The following WASHC2C variants were observed in gnomAD, a reference collection of about 807,000 sequenced individuals.
WASHC2C encodes WASH complex subunit 2C, also known as Vaccinia Penetration Factor.
A neutral mutation model predicts 142.2 loss-of-function variants in WASHC2C; 73 were observed. The observed-to-expected ratio is 0.51, with a 90% CI of 0.43 to 0.62. WASHC2C has a LOEUF of 0.62. WASHC2C is among the 20% of genes least tolerant of loss of function. WASHC2C has a pLI of 0.00. For missense variants in WASHC2C, 969 were observed against 1,531.7 expected (o/e 0.63, Z 6.13); for synonymous variants, 337 against 565.5 (o/e 0.60, Z 5.73).
At chr10:45,790,267 A>G (rs1186449636) in intron 29 of WASHC2C, 89 bp from the exon 30 acceptor site, 4 of 1,599,442 alleles carry the variant, frequency 2.5e-6, no homozygotes, top group African/African-American at 2.7e-5. Flanking sequence ...CACCCTGGCC[A>G]ATTGCATTTC....
chr10:45,764,240 T>G (rs1420318992), intron 18 of WASHC2C, among the ~76,000 whole-genome samples: 1 of 149,658 alleles, frequency 6.7e-6, no homozygotes, highest in African/African-American at 2.5e-5. Context: ...AATATCTATT[T>G]ATATATTTTT....
At chr10:45,762,636 T>C (rs2055262931) in intron 17 of WASHC2C, among the ~76,000 whole-genome samples, 1 of 152,252 alleles carries the variant, frequency 6.6e-6, no homozygotes, top group Admixed American at 6.5e-5. Context: ...CCGGGTGTGG[T>C]GGCTCAAGCC....
chr10:45,755,002 C>A lies in WASHC2C; in HGVS notation c.1307C>A (p.Pro436His). The part of the protein sequence containing the change: ...SLKEPQKPEQ[P>H]TPRKSPYGPP... ...AAGGAGCCACAGAAGCCTGAGCAGC[C>A]CACTCCAAGGAAAAGCCCCTATGGT... The change falls in exon 15 of 31, where the codon CCC (proline) becomes CAC (histidine). Residue 436 changes from proline to histidine, a missense_variant. Pro to His is a moderately conservative substitution (Grantham distance 77, BLOSUM62 -2). Coordinates refer to ENST00000623400, the MANE Select transcript of WASHC2C (RefSeq NM_001330074.2). The A allele has an allele frequency of 6.2e-7, 1 of 1,611,922 alleles. No individual in the cohort carries two copies. Among genetic ancestry groups the A allele is most frequent in the Non-Finnish European group, 8.5e-7 (1 of 1,179,862 alleles).
At chr10:45,784,287 T>TATATATATATATAC (rs1554889013) in intron 23 of WASHC2C, among the ~76,000 whole-genome samples, 6 of 8,522 alleles carry the variant, frequency 7.0e-4, no homozygotes, top group Admixed American at 2.7e-3. Flanking sequence ...TATATATATA[T>TATATATATATATAC]ATACACATAT....
In WASHC2C at chr10:45,784,293, C is replaced by CACACACAT. The variant is rs1305333868; in HGVS notation, c.2479-271_2479-270insCACACATA. On this transcript the variant is annotated intron_variant, in intron 23 of 30. Coordinates refer to ENST00000623400, the MANE Select transcript of WASHC2C (RefSeq NM_001330074.2). ...ATATATATATATATATATATATACA[C>CACACACAT]ATATATATATATATATATACACACA... 2.4e-3 allele frequency among the ~76,000 whole-genome samples: 152 copies of CACACACAT among 63,612 alleles called. 2 individuals are homozygous for CACACACAT. Among genetic ancestry groups the CACACACAT allele is most frequent in the African/African-American group, 3.3e-3 (65 of 19,530 alleles). 41.7% of individuals were successfully genotyped at this position (63,612 alleles called of 152,430 possible).
At chr10:45,728,763 A>G in intron 2 of WASHC2C, 99 bp from the exon 3 acceptor site, 2 of 1,437,416 alleles carry the variant, frequency 1.4e-6, no homozygotes, top group South Asian at 1.4e-5. Flanking sequence ...TTCACATTCT[A>G]ACACTCAAAG....
chr10:45,790,243 G>C, intron 29 of WASHC2C, 113 bp from the exon 30 acceptor site: 1 of 1,553,148 alleles, frequency 6.4e-7, no homozygotes. Context: ...GGGCAGTCTC[G>C]AGGCCGTTCC....
At chr10:45,736,197 G>C (rs1157843854) in intron 3 of WASHC2C, among the ~76,000 whole-genome samples, 3 of 151,088 alleles carry the variant, frequency 2.0e-5, no homozygotes, top group African/African-American at 4.9e-5. Flanking sequence ...CATGAGGTCA[G>C]ATTGAGACCA....
intron 7 of WASHC2C, among the ~76,000 whole-genome samples, chr10:45,745,732 G>A (rs1436699708): frequency 1.3e-5 from 2 of 151,856 alleles, no homozygotes; most frequent in Non-Finnish European, 2.9e-5. Context: ...AGCAACTATT[G>A]ATGTCCCCTT....
chr10:45,783,452 GT>G (rs2057675177), intron 23 of WASHC2C, among the ~76,000 whole-genome samples: 1 of 151,876 alleles, frequency 6.6e-6, no homozygotes, highest in Non-Finnish European at 1.5e-5. Flanking sequence ...AGTTTTTTTG[GT>G]TTTTTTGTTT....
At chr10:45,775,780 C>G (rs1390892762) in intron 21 of WASHC2C, among the ~76,000 whole-genome samples, 1 of 149,276 alleles carries the variant, frequency 6.7e-6, no homozygotes, top group African/African-American at 2.5e-5. Flanking sequence ...CTCCCGGGTT[C>G]ACGCCATTCT....
At position 45,737,943 on chromosome 10, in the gene WASHC2C, C is replaced by T. The variant is rs782536345; in HGVS notation, c.292-40C>T. ...TTATATTGTGATTTATTTCCAATGACGTGTTGACCTTTTAACATTGAGTTT... is the reference window on the plus strand; with the variant it reads ...TTATATTGTGATTTATTTCCAATGATGTGTTGACCTTTTAACATTGAGTTT... On this transcript the variant is annotated intron_variant, in intron 3 of 30. Coordinates refer to ENST00000623400, the MANE Select transcript of WASHC2C (RefSeq NM_001330074.2). The T allele has an allele frequency of 8.7e-6, 14 of 1,611,402 alleles. No homozygotes were observed. In the African/African-American group the frequency reaches 9.4e-5, roughly 11 times the overall value.
At chr10:45,756,473 A>T (rs1490379658) in intron 15 of WASHC2C, among the ~76,000 whole-genome samples, 1 of 152,146 alleles carries the variant, frequency 6.6e-6, no homozygotes, top group African/African-American at 2.4e-5. Context: ...CCTTATTTAT[A>T]AATAACTAGT....
At chr10:45,784,236 A>T (rs1457407450) in intron 23 of WASHC2C, among the ~76,000 whole-genome samples, 1 of 69,726 alleles carries the variant, frequency 1.4e-5, no homozygotes, top group Admixed American at 1.8e-4. Flanking sequence ...GCATATATAT[A>T]TATATGTGTG....
In WASHC2C at chr10:45,790,417, C is replaced by T. The variant is rs1254002679; in HGVS notation, c.3770C>T (p.Thr1257Ile). 1.2e-6 allele frequency: 2 copies of T among 1,611,032 alleles called. No individual in the cohort carries two copies. Among genetic ancestry groups the T allele is most frequent in the Admixed American group, 1.7e-5 (1 of 59,820 alleles). Residue 1257 changes from threonine (T) to isoleucine (I), a missense_variant, in exon 30 of 31, where the codon ACA becomes ATA. Transcript: ENST00000623400. ...PSQKTREKEK[T>I]LESNLFDDNI... ...CAGAAAACCAGAGAGAAGGAGAAAA[C>T]ATTGGAATCTAATTTATTTGATGAT...
intron 26 of WASHC2C, 150 bp downstream of exon 26, chr10:45,785,781 C>G (rs1294429318): frequency 1.4e-6 from 2 of 1,385,478 alleles, no homozygotes; most frequent in African/African-American, 1.4e-5. Context: ...GCACTTCCCC[C>G]GAGTCATCTC....
intron 20 of WASHC2C, among the ~76,000 whole-genome samples, chr10:45,772,067 A>G (rs2056644253): frequency 6.6e-6 from 1 of 152,402 alleles, no homozygotes; most frequent in Non-Finnish European, 1.5e-5. Flanking sequence ...TTCAGCAATA[A>G]AAAAGAATAA....
chr10:45,761,926 A>G (rs1554880139), intron 17 of WASHC2C, among the ~76,000 whole-genome samples: 1 of 152,074 alleles, frequency 6.6e-6, no homozygotes, highest in Non-Finnish European at 1.5e-5. Context: ...CGGGGAGCAC[A>G]GGGGAAAAAC....
At position 45,768,374 on chromosome 10, in the gene WASHC2C, G is replaced by A. The variant is rs1228997821; in HGVS notation, c.1870-1075G>A. 2.3e-3 allele frequency among the ~76,000 whole-genome samples: 352 copies of A among 152,064 alleles called. 2 individuals carry two copies. Among genetic ancestry groups the A allele is most frequent in the African/African-American group, 7.9e-3 (329 of 41,488 alleles). ...GTGATACTCTCTAGTGGATTTCAGC[G>A]TTTAGTCACTGCTAAACATTGAGGA... is the stretch of plus-strand genomic sequence containing the variant. On this transcript the variant is annotated intron_variant, in intron 19 of 30. Transcript: ENST00000623400.
Sources: gnomAD v4.1 joint callset for allele counts (sites outside exome capture counted in the v4.1 genomes callset) on GRCh38, gnomAD v4.1.1 for gene constraint, MANE v1.5 for transcripts, NCBI Gene and HGNC (gene_info 2026-07-23, HGNC 2026-07-21) for gene names.